Variants in DLGAP1 observed in about 807,000 individuals in gnomAD.
DLGAP1 encodes disks large-associated protein 1.
A neutral mutation model predicts 90.8 loss-of-function variants in DLGAP1; 11 were observed. That is an observed-to-expected ratio of 0.12 (90% CI 0.08 to 0.20). DLGAP1 has a LOEUF of 0.20. Ranked by LOEUF, DLGAP1 falls within the 10% of genes least tolerant of loss-of-function variation. The pLI is 1.00. For missense variants in DLGAP1, 1,050 were observed against 1,333.8 expected (o/e 0.79, Z 3.31); for synonymous variants, 558 against 540.7 (o/e 1.03, Z -0.44).
rs747312349 is a variant in DLGAP1 at position 4,122,269 on chromosome 18, A to C, written c.-159+28911T>G. On this transcript the variant is annotated intron_variant, in intron 2 of 12. Coordinates refer to ENST00000315677, the MANE Select transcript of DLGAP1 (RefSeq NM_004746.4). ...TATAGGAGGGGAAAAATATTAAACC[A>C]AAAAGCAAATGCATGGTTACAGTTC... Among the ~76,000 whole-genome samples the C allele has an allele frequency of 2.6e-5, 4 of 152,250 alleles. No homozygotes were observed. The South Asian group carries it at 8.3e-4, about 32-fold the overall frequency.
intron 1 of DLGAP1, among the ~76,000 whole-genome samples, chr18:4,153,041 G>T (rs2076700032): frequency 6.6e-6 from 1 of 152,166 alleles, no homozygotes; most frequent in African/African-American, 2.4e-5. Context: ...AAAGTGGAAA[G>T]ATTATGTAAT....
At chr18:4,045,431 A>C (rs1376217485) in intron 2 of DLGAP1, among the ~76,000 whole-genome samples, 1 of 115,290 alleles carries the variant, frequency 8.7e-6, no homozygotes, top group Admixed American at 9.0e-5. Flanking sequence ...CCCCATCTCT[A>C]CAAAAAAAAA....
chr18:4,125,152 T>C (rs1309516516), intron 2 of DLGAP1, among the ~76,000 whole-genome samples: 1 of 152,154 alleles, frequency 6.6e-6, no homozygotes, highest in African/African-American at 2.4e-5. Flanking sequence ...TACCAGGCAT[T>C]ATGCCAGGCA....
chr18:3,668,694 A>G (rs1039325067), intron 7 of DLGAP1, among the ~76,000 whole-genome samples: 1 of 152,184 alleles, frequency 6.6e-6, no homozygotes, highest in Non-Finnish European at 1.5e-5. Flanking sequence ...TAGACGCACC[A>G]TAAATGAGAA....
intron 1 of DLGAP1, among the ~76,000 whole-genome samples, chr18:4,453,635 A>G (rs2083890153): frequency 6.6e-6 from 1 of 152,162 alleles, no homozygotes; most frequent in Non-Finnish European, 1.5e-5. Flanking sequence ...AGCATTTCTC[A>G]TCTCCATGTC....
intron 12 of DLGAP1, among the ~76,000 whole-genome samples, chr18:3,500,191 C>G (rs1568081350): frequency 6.6e-6 from 1 of 152,106 alleles, no homozygotes; most frequent in Non-Finnish European, 1.5e-5. Flanking sequence ...GGTCATTCCT[C>G]TTATCAGCAG....
At chr18:4,176,421 C>T (rs1020322203) in intron 1 of DLGAP1, among the ~76,000 whole-genome samples, 9 of 152,160 alleles carry the variant, frequency 5.9e-5, no homozygotes, top group African/African-American at 1.4e-4. Flanking sequence ...AGCAGCCATT[C>T]GTGTGGTGTA....
At chr18:3,881,810 G>A (rs967715733) in intron 3 of DLGAP1, among the ~76,000 whole-genome samples, 1 of 152,166 alleles carries the variant, frequency 6.6e-6, no homozygotes, top group Non-Finnish European at 1.5e-5. Flanking sequence ...CTACTCGGGA[G>A]GCTGAGGCAG....
intron 1 of DLGAP1, among the ~76,000 whole-genome samples, chr18:4,182,847 C>T (rs766304505): frequency 6.6e-6 from 1 of 152,078 alleles, no homozygotes; most frequent in Admixed American, 6.6e-5. Context: ...TAATGTGCTG[C>T]CCTTAATGAA....
At chr18:4,441,303 C>G (rs974410447) in intron 1 of DLGAP1, among the ~76,000 whole-genome samples, 3 of 152,168 alleles carry the variant, frequency 2.0e-5, no homozygotes, top group Non-Finnish European at 4.4e-5. Flanking sequence ...CCAGGGCAAG[C>G]AGATGGTCAC....
intron 2 of DLGAP1, among the ~76,000 whole-genome samples, chr18:4,113,689 A>C (rs910078563): frequency 1.3e-4 from 20 of 152,138 alleles, no homozygotes; most frequent in Non-Finnish European, 4.4e-5. Context: ...TTCTTTCTCA[A>C]GGCAGAAGTC....
intron 1 of DLGAP1, among the ~76,000 whole-genome samples, chr18:4,318,399 A>G (rs1337020921): frequency 6.6e-6 from 1 of 152,210 alleles, no homozygotes; most frequent in East Asian, 1.9e-4. Context: ...CCCTGCTTGA[A>G]AAACGGTAGG....
chr18:3,957,656 T>G (rs1379101580), intron 3 of DLGAP1, among the ~76,000 whole-genome samples: 2 of 152,236 alleles, frequency 1.3e-5, no homozygotes, highest in Non-Finnish European at 2.9e-5. Flanking sequence ...CAAGATTATT[T>G]TATTACTTTA....
At chr18:3,592,015 GC>G (rs1188425805) in intron 7 of DLGAP1, among the ~76,000 whole-genome samples, 3 of 152,144 alleles carry the variant, frequency 2.0e-5, no homozygotes, top group African/African-American at 7.2e-5. Context: ...CTGATAGGGG[GC>G]TCAACTAGAT....
intron 1 of DLGAP1, among the ~76,000 whole-genome samples, chr18:4,218,381 A>G (rs531560627): frequency 6.6e-6 from 1 of 152,172 alleles, no homozygotes; most frequent in East Asian, 1.9e-4. Flanking sequence ...ATATTGTGAT[A>G]TTTTGATATA....
intron 7 of DLGAP1, chr18:3,597,538 G>A (rs867213089): frequency 2.0e-5 from 6 of 302,310 alleles, no homozygotes; most frequent in South Asian, 5.5e-5. Context: ...GTCAGGCTGA[G>A]TCCTCACCAA....
intron 7 of DLGAP1, among the ~76,000 whole-genome samples, chr18:3,629,312 A>G (rs1347419916): frequency 6.6e-6 from 1 of 152,118 alleles, no homozygotes; most frequent in East Asian, 1.9e-4. Flanking sequence ...GCAATGAGCC[A>G]TGATTGTGGC....
intron 1 of DLGAP1, among the ~76,000 whole-genome samples, chr18:4,326,539 C>T (rs1024041185): frequency 9.9e-5 from 15 of 152,046 alleles, no homozygotes; most frequent in African/African-American, 1.4e-4. Context: ...GACACATGCA[C>T]GCATATGTTC....
At chr18:3,962,613 GACGTTT>G (rs2073225850) in intron 3 of DLGAP1, among the ~76,000 whole-genome samples, 2 of 151,886 alleles carry the variant, frequency 1.3e-5, no homozygotes, top group Non-Finnish European at 2.9e-5. Context: ...CTATTTGATA[GACGTTT>G]GAGGTTTGGC....
Sources: gnomAD v4.1 joint callset for allele counts (sites outside exome capture counted in the v4.1 genomes callset) on GRCh38, gnomAD v4.1.1 for gene constraint, MANE v1.5 for transcripts, NCBI Gene and HGNC (gene_info 2026-07-23, HGNC 2026-07-21) for gene names.